Variants in PER2 observed in about 807,000 individuals in gnomAD.
The protein encoded by PER2 is period circadian protein homolog 2.
PER2 carries 66 observed loss-of-function variants against 121.0 expected under a neutral mutation model. That is an observed-to-expected ratio of 0.55 (90% CI 0.45 to 0.67). The LOEUF is 0.67. Among genes scored for constraint, PER2 ranks in the 30% least tolerant of loss-of-function variants. PER2 has a pLI of 0.00. For missense variants in PER2, 1,521 were observed against 1,635.0 expected (o/e 0.93, Z 1.20); for synonymous variants, 684 against 659.9 (o/e 1.04, Z -0.56).
At position 238,268,781 on chromosome 2, in the gene PER2, CTG is replaced by C. The variant is rs1696192379; in HGVS notation, c.824+140_824+141del. 2 of 700,206 alleles carry C rather than the reference CTG, an allele frequency of 2.9e-6. No homozygotes were observed. The highest frequency in any genetic ancestry group is 1.8e-5 in the African/African-American group (1 of 55,650). 43.4% of individuals were successfully genotyped at this position (700,206 alleles called of 1,614,324 possible). On this transcript the variant is annotated intron_variant, in intron 7 of 22. Transcript: ENST00000254657. The surrounding 1 kb of genome is among the most constrained non-coding windows in gnomAD (Gnocchi z 4.0). ...CTGTACACATTTAAAATGTAACTGA[CTG>C]TGTTTTCTGGTAGACTTCAGAAACA...
intron 3 of PER2, among the ~76,000 whole-genome samples, chr2:238,276,510 G>A (rs1023493234): frequency 6.6e-6 from 1 of 152,182 alleles, no homozygotes; most frequent in African/African-American, 2.4e-5. Context: ...CCCTGCCCCA[G>A]GTAAAGAAGG....
intron 5 of PER2, among the ~76,000 whole-genome samples, chr2:238,272,033 C>T (rs1353294331): frequency 6.6e-6 from 1 of 152,210 alleles, no homozygotes; most frequent in African/African-American, 2.4e-5. Flanking sequence ...AGAGAAAGCG[C>T]TCCTGACCAA....
chr2:238,265,527 T>C lies in PER2; in HGVS notation c.1031A>G (p.Gln344Arg). 6.2e-7 allele frequency: 1 copy of C among 1,610,200 alleles called. No homozygotes were observed. The highest frequency in any genetic ancestry group is 1.1e-5 in the South Asian group (1 of 91,008). The change falls in exon 9 of 23, where the codon CAG becomes CGG. Residue 344 changes from glutamine to arginine, a missense_variant. By Grantham distance (43) the Gln-to-Arg change is conservative (BLOSUM62 1). Coordinates refer to ENST00000254657, the MANE Select transcript of PER2 (RefSeq NM_022817.3). ...TTTHTPNCLF[Q>R]DVDERAVPLL... ...GACCACGTACCTTTCATCCACATCCTGGAACAAACAATTTGGTGTATGGGT... is the reference window on the plus strand; with the variant it reads ...GACCACGTACCTTTCATCCACATCCCGGAACAAACAATTTGGTGTATGGGT...
Position 238,260,021 on chromosome 2 carries a change from AT to A in PER2, c.1574del (p.Asn525IlefsTer79). Reference protein sequence around the residue: ...EICKNGNKTKNRSHYSHESGE... With the variant: ...EICKNGNKTKXRSHYSHESGE... The stretch of plus-strand genomic sequence containing the variant: ...CAGATTCATGAGAATAATGACTTCT[AT>A]TTTTGGTCTTGTTACCATTTTTACA... On this transcript the variant is annotated frameshift_variant, in exon 14 of 23. Transcript: ENST00000254657. LOFTEE classifies it high-confidence loss of function. 4.0e-6 allele frequency: 6 copies of A among 1,513,958 alleles called. No individual in the cohort carries two copies. Among genetic ancestry groups the A allele is most frequent in the Admixed American group, 1.7e-5 (1 of 58,362 alleles). The allele number at this position is 1,513,958 out of a possible 1,614,324, so 93.8% of individuals were successfully genotyped here. A position where few individuals can be genotyped will look rare whatever the true frequency, so the allele number is the denominator to read the frequency against.
intron 12 of PER2, chr2:238,261,379 T>C: frequency 2.5e-6 from 1 of 395,576 alleles, no homozygotes; most frequent in Non-Finnish European, 4.7e-6. Context: ...ACAATGTCCC[T>C]CCCTTAAGTC....
Position 238,251,691 on chromosome 2 carries a change from A to T in PER2, c.3182T>A (p.Leu1061Gln). 1 of 1,614,062 alleles carries T rather than the reference A, an allele frequency of 6.2e-7. No homozygotes were observed. The highest frequency in any genetic ancestry group is 8.5e-7 in the Non-Finnish European group (1 of 1,179,898). The change falls in exon 20 of 23, where the codon CTG becomes CAG. Residue 1061 changes from leucine (L) to glutamine (Q), a missense_variant. Physicochemically the swap from Leu to Gln is moderately radical, Grantham distance 113. Coordinates refer to ENST00000254657, the MANE Select transcript of PER2 (RefSeq NM_022817.3). ...CGAGGCTGAGCAGAGGTCCTCATTCAGCAGGAGGTTTAGGAGGCCGCTTGA... is the reference window on the plus strand; with the variant it reads ...CGAGGCTGAGCAGAGGTCCTCATTCTGCAGGAGGTTTAGGAGGCCGCTTGA... ...STSSGLLNLL[L>Q]NEDLCSASGS... is the part of the protein sequence containing the mutation.
chr2:238,292,855 A>G (rs972276957), upstream of PER2, among the ~76,000 whole-genome samples: 1 of 150,736 alleles, frequency 6.6e-6, no homozygotes, highest in African/African-American at 2.4e-5. Flanking sequence ...CTCCTGCCTC[A>G]GCCTCCTGAG....
intron 20 of PER2, 82 bp from the exon 21 acceptor site, chr2:238,250,825 A>G: frequency 2.0e-6 from 2 of 989,382 alleles, no homozygotes; most frequent in South Asian, 2.7e-5. Flanking sequence ...CAAAGTCAGA[A>G]TGATTTGAGA....
rs764659857 is a variant in PER2 at position 238,257,032 on chromosome 2, G to C, written c.1955C>G (p.Thr652Ser). 1 of 1,613,444 alleles carries C rather than the reference G, an allele frequency of 6.2e-7. No individual in the cohort carries two copies. The highest frequency in any genetic ancestry group is 1.1e-5 in the South Asian group (1 of 91,076). Reference protein sequence around the residue: ...NSRTGVGTHLTSLALPGKAES... With the variant: ...NSRTGVGTHLSSLALPGKAES... ...TGCCTTGCCCGGCAGTGCCAGCGAG[G>C]TCAGGTGCGTACCTACTCCCGTGCG... is the stretch of plus-strand genomic sequence containing the variant. The change falls in exon 17 of 23, where the codon ACC becomes AGC. Residue 652 changes from threonine (T) to serine (S), a missense_variant. Thr to Ser is a moderately conservative substitution (Grantham distance 58). Transcript: ENST00000254657.
At chr2:238,250,332 T>A (rs1459054750) in intron 21 of PER2, among the ~76,000 whole-genome samples, 1 of 152,260 alleles carries the variant, frequency 6.6e-6, no homozygotes, top group Non-Finnish European at 1.5e-5. Context: ...TGAATCCACA[T>A]GGCCCCGGCT....
chr2:238,274,250 G>A (rs1358206168), intron 4 of PER2, among the ~76,000 whole-genome samples: 1 of 152,232 alleles, frequency 6.6e-6, no homozygotes, highest in Non-Finnish European at 1.5e-5. Context: ...TGGCCACAGC[G>A]GCCCTCACTC....
chr2:238,275,615 G>A, intron 4 of PER2, 128 bp downstream of exon 4: 1 of 1,028,922 alleles, frequency 9.7e-7, no homozygotes, highest in Non-Finnish European at 1.5e-6. Flanking sequence ...CTTAAGCCCA[G>A]AAGTCAAGGC....
chr2:238,257,001 ACT>A lies in PER2; in HGVS notation c.1984_1985del (p.Ser662CysfsTer110). 2 of 1,613,524 alleles carry A rather than the reference ACT, an allele frequency of 1.2e-6. No homozygotes were observed. The highest frequency in any genetic ancestry group is 1.7e-6 in the Non-Finnish European group (2 of 1,179,906). On this transcript the variant is annotated frameshift_variant, in exon 17 of 23. Transcript: ENST00000254657. LOFTEE classifies it high-confidence loss of function. The stretch of plus-strand genomic sequence containing the variant: ...TGCACTGGCTGGTGAGCGACGCCAC[ACT>A]CTCTGCCTTGCCCGGCAGTGCCAGC... ...TSLALPGKAE[S>X]VASLTSQCSY...
chr2:238,255,306 T>G, intron 18 of PER2: 1 of 386,436 alleles, frequency 2.6e-6, no homozygotes, highest in Non-Finnish European at 4.9e-6. Flanking sequence ...CCCACTATCT[T>G]GAGGTTGAAT....
rs769789871 is a variant in PER2, at chr2:238,260,967, A to AGACAGCGCTACAGACACAGCC, written c.1417-35_1417-15dup. ...GTGGGGGACGGGCTGGGGAGACAGC[A>AGACAGCGCTACAGACACAGCC]GACAGCGCTACAGACACAGCCAGGG... On this transcript the variant is annotated splice_polypyrimidine_tract_variant and intron_variant, in intron 12 of 22. Coordinates refer to ENST00000254657, the MANE Select transcript of PER2 (RefSeq NM_022817.3). 4.3e-6 allele frequency: 7 copies of AGACAGCGCTACAGACACAGCC among 1,611,190 alleles called. No individual in the cohort carries two copies. Among genetic ancestry groups the AGACAGCGCTACAGACACAGCC allele is most frequent in the Non-Finnish European group, 5.9e-6 (7 of 1,179,850 alleles).
chr2:238,268,299 T>A lies in PER2; in HGVS notation c.825-101A>T. On this transcript the variant is annotated intron_variant, in intron 7 of 22. Transcript: ENST00000254657. This position sits in a 1 kb window ranked among gnomAD's most constrained non-coding sequence, Gnocchi z 4.0. The stretch of plus-strand genomic sequence containing the variant: ...GGGCCCCATGCCATGCTGCAGGTGA[T>A]GTGTACCTCTGCTCTGCCTGAGGAG... 8.3e-7 allele frequency: 1 copy of A among 1,207,398 alleles called. No individual in the cohort carries two copies. Among genetic ancestry groups the A allele is most frequent in the Non-Finnish European group, 1.2e-6 (1 of 836,934 alleles). The allele number at this position is 1,207,398 out of a possible 1,614,324, so 74.8% of individuals were successfully genotyped here.
the PER2 span, among the ~76,000 whole-genome samples, chr2:238,298,183 C>T: frequency 1.3e-5 from 2 of 151,968 alleles, no homozygotes; most frequent in Non-Finnish European, 2.9e-5. Flanking sequence ...TACAGGCGCC[C>T]GCCACCACGC....
chr2:238,246,601 G>A, intron 22 of PER2, 77 bp from the exon 23 acceptor site: 1 of 1,059,124 alleles, frequency 9.4e-7, no homozygotes, highest in Non-Finnish European at 1.4e-6. Context: ...AATTGGCCGG[G>A]CGCGGTGGCT....
At position 238,253,113 on chromosome 2, in the gene PER2, T is replaced by A. The variant is rs75272725; in HGVS notation, c.2910A>T (p.Pro970=). The A allele has an allele frequency of 4.9e-5, 78 of 1,603,800 alleles. No individual in the cohort carries two copies. Among genetic ancestry groups the A allele is most frequent in the Non-Finnish European group, 6.2e-5 (73 of 1,172,830 alleles). ...GTGGGGAGGCCCTACCCATGGCCGA[T>A]GGTGGGGTGGCCCGGGTGGCTGGAC... ...CACPATRATP[P]SAMGRASPPL... is the part of the protein sequence containing the mutation. Residue 970 remains proline (P), a synonymous_variant, in exon 19 of 23, where the codon CCA becomes CCT. Coordinates refer to ENST00000254657, the MANE Select transcript of PER2 (RefSeq NM_022817.3). This position sits in a 1 kb window ranked among gnomAD's most constrained non-coding sequence, Gnocchi z 5.6.
Sources: gnomAD v4.1 joint callset for allele counts (sites outside exome capture counted in the v4.1 genomes callset) on GRCh38, gnomAD v4.1.1 for gene constraint, Gnocchi (gnomAD v3.1) non-coding constraint, MANE v1.5 for transcripts, NCBI Gene and HGNC (gene_info 2026-07-23, HGNC 2026-07-21) for gene names.